The following PARG variants were observed in gnomAD, a reference collection of about 807,000 sequenced individuals.
PARG encodes the protein poly(ADP-ribose) glycohydrolase.
In PARG, 35 loss-of-function variants were observed where a neutral mutation model predicts 113.0. The observed-to-expected ratio is 0.31, with a 90% CI of 0.24 to 0.41. The LOEUF is 0.41. Among genes scored for constraint, PARG ranks in the 10% least tolerant of loss-of-function variants. The pLI, the probability that PARG is intolerant of heterozygous loss-of-function variation, is 1.00. For missense variants in PARG, 797 were observed against 1,169.4 expected, an observed-to-expected ratio of 0.68 and a Z score of 4.64; for synonymous variants, 330 against 409.9, an observed-to-expected ratio of 0.81 and a Z score of 2.36.
chr10:49,874,841 G>A lies in PARG; in HGVS notation c.1988+4832C>T, dbSNP rs376017952. On this transcript the variant is annotated intron_variant, in intron 9 of 17. Transcript: ENST00000616448. ...TGCACTCCAGCCTGGTCGACAGAGC[G>A]AGACTCTGTCCCAAAAAAAACAAAA... Among the ~76,000 whole-genome samples the A allele has an allele frequency of 1.6e-3, 223 of 136,618 alleles. 9 individuals are homozygous for A. The highest frequency in any genetic ancestry group is 6.9e-3 in the South Asian group (29 of 4,198). The allele number at this position is 136,618 out of a possible 152,430, so 89.6% of individuals were successfully genotyped here.
At chr10:49,885,689 A>C (rs1554840342) in intron 7 of PARG, among the ~76,000 whole-genome samples, 614 of 152,118 alleles carry the variant, frequency 4.0e-3, no homozygotes, top group East Asian at 0.016. Context: ...GCCCCCAAGG[A>C]CCCATCTAGT....
At chr10:49,891,920 A>G (rs1344471577) in intron 7 of PARG, among the ~76,000 whole-genome samples, 1 of 151,628 alleles carries the variant, frequency 6.6e-6, no homozygotes, top group African/African-American at 2.4e-5. Flanking sequence ...AGCCTGTAAT[A>G]CTGAAGATGG....
At chr10:49,844,485 T>C (rs1476916642) in intron 13 of PARG, among the ~76,000 whole-genome samples, 2 of 151,864 alleles carry the variant, frequency 1.3e-5, no homozygotes, top group Non-Finnish European at 2.9e-5. Flanking sequence ...TAGCTGGGCA[T>C]TGTGGCGTGT....
intron 15 of PARG, among the ~76,000 whole-genome samples, chr10:49,837,975 C>T (rs1845026306): frequency 6.6e-6 from 1 of 152,174 alleles, no homozygotes; most frequent in African/African-American, 2.4e-5. Context: ...ACCTTGCTCA[C>T]AGCAGAAGTT....
Position 49,941,832 on chromosome 10 carries a change from A to C in PARG, c.-107T>G. On this transcript the variant is annotated 5_prime_UTR_variant, in exon 1 of 18. It removes an upstream start codon present in the reference 5' UTR. Coordinates refer to ENST00000616448, the MANE Select transcript of PARG (RefSeq NM_003631.5). ...CTCCTTCTCAGCGCCTGCCTGCACC[A>C]TTCCCTCTCTGCCGCTGCCTGCTTC... 2 of 1,530,260 alleles carry C rather than the reference A, an allele frequency of 1.3e-6. No homozygotes were observed. Among genetic ancestry groups the C allele is most frequent in the Admixed American group, 3.9e-5 (2 of 50,978 alleles). 94.8% of individuals were successfully genotyped at this position (1,530,260 alleles called of 1,614,324 possible). A position where few individuals can be genotyped will look rare whatever the true frequency, so the allele number is the denominator to read the frequency against.
intron 9 of PARG, among the ~76,000 whole-genome samples, chr10:49,874,279 T>C (rs1846838682): frequency 6.6e-6 from 1 of 152,046 alleles, no homozygotes; most frequent in Admixed American, 6.5e-5. Context: ...CTAAGGTACT[T>C]GCGCTAAAAT....
At chr10:49,905,959 A>ATTTACTTCAGT (rs1848565094) in intron 7 of PARG, among the ~76,000 whole-genome samples, 6 of 151,212 alleles carry the variant, frequency 4.0e-5, no homozygotes, top group Admixed American at 4.0e-4. Flanking sequence ...GTTCATCAAC[A>ATTTACTTCAGT]TGAATATCAA....
At chr10:49,919,469 T>C (rs189451892) in intron 6 of PARG, among the ~76,000 whole-genome samples, 6 of 151,946 alleles carry the variant, frequency 3.9e-5, no homozygotes, top group African/African-American at 9.7e-5. Context: ...ATAGAAAAAA[T>C]AGTGAAAAGA....
Position 49,819,166 on chromosome 10 carries a change from G to T in PARG, c.*174C>A. 1 of 531,226 alleles carries T rather than the reference G, an allele frequency of 1.9e-6. No homozygotes were observed. The highest frequency in any genetic ancestry group is 3.4e-6 in the Non-Finnish European group (1 of 296,822). 32.9% of individuals were successfully genotyped at this position (531,226 alleles called of 1,614,324 possible). On this transcript the variant is annotated 3_prime_UTR_variant, in exon 18 of 18. Transcript: ENST00000616448. ...GTCCACGTGAGTCAGGATGGAGGGAGTTTAGATGTACCAACTGACAACTGC... is the reference window on the plus strand; with the variant it reads ...GTCCACGTGAGTCAGGATGGAGGGATTTTAGATGTACCAACTGACAACTGC...
At chr10:49,819,737 C>T (rs1424878398) in intron 17 of PARG, among the ~76,000 whole-genome samples, 1 of 152,150 alleles carries the variant, frequency 6.6e-6, no homozygotes, top group East Asian at 1.9e-4. Context: ...GGTACACTGT[C>T]CATGCACCCT....
At chr10:49,859,667 T>C (rs1329056315) in intron 12 of PARG, among the ~76,000 whole-genome samples, 6 of 152,114 alleles carry the variant, frequency 3.9e-5, no homozygotes, top group African/African-American at 1.4e-4. Context: ...ATCCAACTTA[T>C]GTACTACTTG....
chr10:49,935,027 A>G (rs1164028472), intron 2 of PARG, 49 bp downstream of exon 2: 2 of 687,450 alleles, frequency 2.9e-6, no homozygotes, highest in Non-Finnish European at 5.3e-6. Flanking sequence ...AACAAGATAA[A>G]ACATCCATGT....
At chr10:49,918,271 T>A (rs1173615613) in intron 6 of PARG, among the ~76,000 whole-genome samples, 3 of 152,252 alleles carry the variant, frequency 2.0e-5, no homozygotes, top group African/African-American at 4.8e-5. Context: ...CTTATCCATA[T>A]GTTATTATTC....
At chr10:49,900,810 C>T (rs1405230487) in intron 7 of PARG, among the ~76,000 whole-genome samples, 3 of 151,528 alleles carry the variant, frequency 2.0e-5, no homozygotes, top group African/African-American at 4.8e-5. Context: ...ATCCATCAAT[C>T]ACTTTTGTAA....
intron 13 of PARG, among the ~76,000 whole-genome samples, chr10:49,851,098 T>C (rs1176498616): frequency 6.6e-6 from 1 of 152,220 alleles, no homozygotes; most frequent in Non-Finnish European, 1.5e-5. Flanking sequence ...AGGAATCCAT[T>C]AAAATCTTAT....
At chr10:49,869,795 A>C (rs1361881247) in intron 9 of PARG, among the ~76,000 whole-genome samples, 1 of 151,392 alleles carries the variant, frequency 6.6e-6, no homozygotes, top group Non-Finnish European at 1.5e-5. Flanking sequence ...TACCAACCAC[A>C]TTTCTCCAAC....
At chr10:49,887,511 A>T (rs571635129) in intron 7 of PARG, among the ~76,000 whole-genome samples, 37 of 152,260 alleles carry the variant, frequency 2.4e-4, no homozygotes, top group African/African-American at 8.7e-4. Context: ...TTTTCAGCTG[A>T]AAAATTTTGC....
chr10:49,886,605 AAAAAGTTGCTT>A (rs1344613466), intron 7 of PARG, among the ~76,000 whole-genome samples: 3 of 152,256 alleles, frequency 2.0e-5, no homozygotes, highest in Non-Finnish European at 4.4e-5. Context: ...TGGAGAAAAC[AAAAAGTTGCTT>A]AAGAGAGGAA....
Position 49,933,391 on chromosome 10 carries a change from A to T in PARG, c.1057T>A (p.Phe353Ile). The T allele has an allele frequency of 6.2e-7, 1 of 1,613,614 alleles. No homozygotes were observed. Among genetic ancestry groups the T allele is most frequent in the Non-Finnish European group, 8.5e-7 (1 of 1,179,552 alleles). The change falls in exon 3 of 18, where the codon TTT (phenylalanine) becomes ATT (isoleucine). Residue 353 changes from phenylalanine (F) to isoleucine (I), a missense_variant. Physicochemically the swap from Phe to Ile is conservative, Grantham distance 21. This residue lies in a region of PARG where 252 missense variants were observed against 437.4 expected (regional missense o/e 0.58). Transcript: ENST00000616448. ...CCCTTAGTAGAGTACCGTTTCCTAA[A>T]TTCAATGTCAGCGTCTCTTGCTTGG... ...RFQARDADIEFRKRYSTKGGE... is the reference protein window; with the variant it reads ...RFQARDADIEIRKRYSTKGGE...
Sources: allele counts gnomAD v4.1 joint callset (sites outside exome capture counted in the v4.1 genomes callset), GRCh38; gene constraint gnomAD v4.1.1; regional missense constraint gnomAD v4.1.1; transcripts MANE v1.5; gene names NCBI Gene and HGNC (gene_info 2026-07-23, HGNC 2026-07-21).